SLC25A21: variants seen among roughly 807,000 people sequenced by gnomAD.
SLC25A21 encodes solute carrier family 25 member 21, also known as mitochondrial 2-oxodicarboxylate carrier.
Under a neutral mutation model 43.8 loss-of-function variants are expected in SLC25A21, and 47 were observed. The ratio of observed to expected loss-of-function variants is 1.07; its 90% CI spans 0.85 to 1.37. The LOEUF is 1.37. Ranked by LOEUF, SLC25A21 falls within the 40% of genes most tolerant of loss-of-function variation. SLC25A21 has a pLI of 0.00. For missense variants in SLC25A21, 352 were observed against 350.2 expected, an observed-to-expected ratio of 1.00 and a Z score of -0.04; for synonymous variants, 131 against 121.3, an observed-to-expected ratio of 1.08 and a Z score of -0.52.
At chr14:37,160,786 T>G (rs1418990569) in intron 1 of SLC25A21, among the ~76,000 whole-genome samples, 1 of 151,524 alleles carries the variant, frequency 6.6e-6, no homozygotes, top group Non-Finnish European at 1.5e-5. Flanking sequence ...AGAAGTTAGC[T>G]GGGCCTGGTA....
chr14:37,061,516 C>T (rs2138812423), intron 1 of SLC25A21, among the ~76,000 whole-genome samples: 1 of 151,124 alleles, frequency 6.6e-6, no homozygotes, highest in South Asian at 2.1e-4. Flanking sequence ...ATTTTTTCCC[C>T]TCTAGTCAGC....
intron 7 of SLC25A21, among the ~76,000 whole-genome samples, chr14:36,688,954 G>C (rs1882672583): frequency 2.6e-5 from 4 of 152,216 alleles, no homozygotes; most frequent in African/African-American, 9.6e-5. Context: ...ACTCCTAAGA[G>C]TTAGTGGGTG....
chr14:37,098,746 TAGACAGAC>T (rs1201386691), intron 1 of SLC25A21, among the ~76,000 whole-genome samples: 3,132 of 31,096 alleles, frequency 0.1, 144 homozygotes, highest in African/African-American at 0.16. Context: ...GATAGATAGA[TAGACAGAC>T]AGACAGACAG....
intron 1 of SLC25A21, among the ~76,000 whole-genome samples, chr14:36,931,548 T>C (rs1297331377): frequency 6.6e-6 from 1 of 152,172 alleles, no homozygotes; most frequent in Non-Finnish European, 1.5e-5. Flanking sequence ...GGGCTCTGCA[T>C]GCTCTGAGAA....
At chr14:37,007,600 A>AATAATAATAATAATAAT (rs1960634011) in intron 1 of SLC25A21, among the ~76,000 whole-genome samples, 1 of 148,046 alleles carries the variant, frequency 6.8e-6, no homozygotes, top group Non-Finnish European at 1.5e-5. Flanking sequence ...TCCCTCTCAA[A>AATAATAATAATAATAAT]AATAATAATA....
intron 3 of SLC25A21, among the ~76,000 whole-genome samples, chr14:36,804,247 G>T (rs1442721167): frequency 3.9e-5 from 6 of 152,148 alleles, no homozygotes; most frequent in African/African-American, 1.4e-4. Flanking sequence ...ATGAAATTCA[G>T]CCAACTGAGA....
At chr14:36,685,849 A>G (rs17105043) in intron 7 of SLC25A21, among the ~76,000 whole-genome samples, 4,553 of 152,208 alleles carry the variant, frequency 0.03, 219 homozygotes, top group African/African-American at 0.1. Context: ...GGAAGTTCTC[A>G]TTATGTTGCC....
intron 3 of SLC25A21, among the ~76,000 whole-genome samples, chr14:36,799,040 T>A (rs1032308578): frequency 1.3e-5 from 2 of 152,070 alleles, no homozygotes; most frequent in East Asian, 3.9e-4. Context: ...GCAAATATAT[T>A]GGGAATCTTC....
At chr14:37,058,948 A>C (rs999140139) in intron 1 of SLC25A21, among the ~76,000 whole-genome samples, 1 of 152,312 alleles carries the variant, frequency 6.6e-6, no homozygotes, top group African/African-American at 2.4e-5. Flanking sequence ...CCCTTAAGAA[A>C]GGTTAAGAAT....
At chr14:36,755,315 C>A (rs1037945856) in intron 3 of SLC25A21, among the ~76,000 whole-genome samples, 5 of 152,220 alleles carry the variant, frequency 3.3e-5, no homozygotes, top group African/African-American at 1.2e-4. Context: ...CCATGTAAAA[C>A]CACCACTGTA....
At chr14:36,866,866 A>C (rs938826744) in intron 2 of SLC25A21, among the ~76,000 whole-genome samples, 3 of 152,244 alleles carry the variant, frequency 2.0e-5, no homozygotes, top group Admixed American at 6.5e-5. Context: ...CATAGTTTTT[A>C]TGTTGATTAA....
chr14:36,749,288 T>C (rs1464300429), intron 3 of SLC25A21, among the ~76,000 whole-genome samples: 1 of 152,232 alleles, frequency 6.6e-6, no homozygotes, highest in Non-Finnish European at 1.5e-5. Flanking sequence ...TAAAGTATTT[T>C]ATTTTTATCA....
chr14:36,813,897 C>T (rs748460686), intron 3 of SLC25A21, 21 bp downstream of exon 3: 20 of 1,476,550 alleles, frequency 1.4e-5, no homozygotes, highest in Non-Finnish European at 1.9e-5. Context: ...ATTAAAATGG[C>T]TATATGAAGA....
chr14:37,150,414 C>T (rs575973703), intron 1 of SLC25A21, among the ~76,000 whole-genome samples: 1 of 152,218 alleles, frequency 6.6e-6, no homozygotes, highest in East Asian at 1.9e-4. Context: ...TTTCTTCCAT[C>T]CCTCTTTCTT....
intron 8 of SLC25A21, among the ~76,000 whole-genome samples, chr14:36,684,235 A>G (rs1421060044): frequency 6.6e-6 from 1 of 152,224 alleles, no homozygotes; most frequent in African/African-American, 2.4e-5. Context: ...ACATTAGGAA[A>G]TACGATGCAG....
intron 8 of SLC25A21, 58 bp from the exon 9 acceptor site, chr14:36,683,938 T>C (rs375451115): frequency 2.0e-5 from 27 of 1,339,282 alleles, no homozygotes; most frequent in East Asian, 9.3e-5. Context: ...GAGTTGTACC[T>C]TAGCTTTATT....
At chr14:36,907,574 CT>C (rs1324751323) in intron 1 of SLC25A21, among the ~76,000 whole-genome samples, 3 of 152,062 alleles carry the variant, frequency 2.0e-5, no homozygotes, top group Admixed American at 6.6e-5. Context: ...CATTTTTGGT[CT>C]TTATAAGATT....
intron 1 of SLC25A21, among the ~76,000 whole-genome samples, chr14:36,972,408 T>C (rs962867290): frequency 1.3e-5 from 2 of 152,180 alleles, no homozygotes; most frequent in Non-Finnish European, 2.9e-5. Context: ...AAGGAAAATA[T>C]AAGAATAATT....
chr14:36,768,105 G>A (rs1886481570), intron 3 of SLC25A21, among the ~76,000 whole-genome samples: 1 of 152,144 alleles, frequency 6.6e-6, no homozygotes, highest in Non-Finnish European at 1.5e-5. Flanking sequence ...TCACATTTCT[G>A]TGGCCCTGGA....
Sources: gnomAD v4.1 joint callset for allele counts (sites outside exome capture counted in the v4.1 genomes callset) on GRCh38, gnomAD v4.1.1 for gene constraint, MANE v1.5 for transcripts, NCBI Gene and HGNC (gene_info 2026-07-23, HGNC 2026-07-21) for gene names.